DDR2: variants seen among roughly 807,000 people sequenced by gnomAD.
DDR2 encodes discoidin domain receptor tyrosine kinase 2.
Under a neutral mutation model 94.9 loss-of-function variants are expected in DDR2, and 27 were observed. That is an observed-to-expected ratio of 0.28 (90% CI 0.21 to 0.39). The LOEUF is 0.39. DDR2 is among the 10% of genes least tolerant of loss of function. The pLI is 1.00. For synonymous variants in DDR2, 382 were observed against 377.2 expected, an observed-to-expected ratio of 1.01 and a Z score of -0.15; for missense variants, 783 against 1,076.0, an observed-to-expected ratio of 0.73 and a Z score of 3.81.
chr1:162,773,734 T>C (rs1647360887), intron 14 of DDR2, 138 bp downstream of exon 14: 1 of 1,195,252 alleles, frequency 8.4e-7, no homozygotes, highest in Middle Eastern at 2.6e-4. Flanking sequence ...TGTTATCCTT[T>C]TTCTTATTCC....
chr1:162,748,916 A>G (rs1571284431), intron 3 of DDR2, among the ~76,000 whole-genome samples: 1 of 152,272 alleles, frequency 6.6e-6, no homozygotes, highest in East Asian at 1.9e-4. Context: ...CTGGGTACAT[A>G]ATGAAATGAA....
At chr1:162,644,515 A>T (rs573666709) in intron 1 of DDR2, among the ~76,000 whole-genome samples, 1 of 152,334 alleles carries the variant, frequency 6.6e-6, no homozygotes, top group Non-Finnish European at 1.5e-5. Flanking sequence ...CCTGATGATC[A>T]TGGTGTATGA....
intron 1 of DDR2, among the ~76,000 whole-genome samples, chr1:162,633,607 G>A (rs1049231284): frequency 2.0e-5 from 3 of 152,218 alleles, no homozygotes; most frequent in Admixed American, 6.5e-5. Flanking sequence ...TCTACTGCTA[G>A]TCCAGTGTTC....
chr1:162,768,548 C>G (rs1163935666), intron 11 of DDR2, among the ~76,000 whole-genome samples: 2 of 152,096 alleles, frequency 1.3e-5, no homozygotes, highest in Non-Finnish European at 2.9e-5. Context: ...GAGGAAAGGG[C>G]ACCATGAGAA....
chr1:162,718,622 T>C (rs1439587114), intron 2 of DDR2, among the ~76,000 whole-genome samples: 4 of 152,194 alleles, frequency 2.6e-5, no homozygotes, highest in Non-Finnish European at 4.4e-5. Context: ...ATTGAACTTA[T>C]ATGTTTTGAA....
intron 1 of DDR2, among the ~76,000 whole-genome samples, chr1:162,648,175 T>C (rs1571142427): frequency 6.6e-6 from 1 of 152,004 alleles, no homozygotes; most frequent in East Asian, 1.9e-4. Context: ...GCAATGCAAG[T>C]AAATGGGGGG....
rs1048910780 is a variant in DDR2 at position 162,776,362 on chromosome 1, A to G, written c.2275A>G (p.Ile759Val). ...LPIRWMSWES[I>V]LLGKFTTASD... ...TATCCGCTGGATGTCTTGGGAGAGTATCTTGCTGGTAAGTTCTCAGCATTT... is the reference window on the plus strand; with the variant it reads ...TATCCGCTGGATGTCTTGGGAGAGTGTCTTGCTGGTAAGTTCTCAGCATTT... The change falls in exon 16 of 18, where the codon ATC becomes GTC. Residue 759 changes from isoleucine (I) to valine (V), a missense_variant. Transcript: ENST00000367921. 6.2e-7 allele frequency: 1 copy of G among 1,614,046 alleles called. No individual in the cohort carries two copies. The highest frequency in any genetic ancestry group is 1.3e-5 in the African/African-American group (1 of 75,050).
In DDR2 at chr1:162,765,994, A is replaced by G. The variant is rs774252716; in HGVS notation, c.1100-7A>G. 1.9e-6 allele frequency: 3 copies of G among 1,613,732 alleles called. No individual in the cohort carries two copies. The highest frequency in any genetic ancestry group is 1.3e-5 in the African/African-American group (1 of 74,814). On this transcript the variant is annotated splice_region_variant and splice_polypyrimidine_tract_variant and intron_variant, in intron 9 of 17. Coordinates refer to ENST00000367921, the MANE Select transcript of DDR2 (RefSeq NM_006182.4). ...CCTGGCTCTGACTCACCCTTGTTTT[A>G]TAACAGATGCTGCAATGTACAACAA...
At chr1:162,641,886 G>A (rs1173371143) in intron 1 of DDR2, among the ~76,000 whole-genome samples, 1 of 152,142 alleles carries the variant, frequency 6.6e-6, no homozygotes, top group Non-Finnish European at 1.5e-5. Context: ...GAACAGATAA[G>A]CTTATGTGAA....
intron 1 of DDR2, among the ~76,000 whole-genome samples, chr1:162,634,227 A>G (rs1057195241): frequency 7.9e-5 from 12 of 152,188 alleles, no homozygotes; most frequent in African/African-American, 2.2e-4. Context: ...GGTCTTTGGT[A>G]TATACTTACC....
rs183582587 is a variant in DDR2 at position 162,762,463 on chromosome 1, G to C, written c.1099+1009G>C. ...TTTGTGATACTAAGATTGATTTCTG[G>C]TTCCTCATGAACTTTTTCCCTAAGT... On this transcript the variant is annotated intron_variant, in intron 9 of 17. Transcript: ENST00000367921. Among the ~76,000 whole-genome samples the C allele has an allele frequency of 1.2e-3, 177 of 152,258 alleles. 1 individual carries two copies. The highest frequency in any genetic ancestry group is 4.6e-4 in the Non-Finnish European group (31 of 68,018).
At chr1:162,700,543 A>G (rs919429436) in intron 2 of DDR2, among the ~76,000 whole-genome samples, 1 of 152,220 alleles carries the variant, frequency 6.6e-6, no homozygotes, top group Non-Finnish European at 1.5e-5. Context: ...CAGCATTTTT[A>G]GCACATGATT....
At position 162,756,584 on chromosome 1, in the gene DDR2, G is replaced by A. The variant is rs191009118; in HGVS notation, c.671+815G>A. On this transcript the variant is annotated intron_variant, in intron 7 of 17. Transcript: ENST00000367921. ...AGCCTGGGAGAGAATTCAGTCCATC[G>A]TGAAGACCAGACCAGATGATGGAGG... Among the ~76,000 whole-genome samples, 14 of 152,280 alleles carry A rather than the reference G, an allele frequency of 9.2e-5. No individual in the cohort carries two copies. The South Asian group carries it at 2.5e-3, about 27-fold the overall frequency.
At chr1:162,667,498 C>T (rs1180201884) in intron 2 of DDR2, among the ~76,000 whole-genome samples, 1 of 152,096 alleles carries the variant, frequency 6.6e-6, no homozygotes, top group Non-Finnish European at 1.5e-5. Flanking sequence ...GGCAGAGAAG[C>T]TTGGATCAGG....
chr1:162,754,490 G>A (rs1663358671), intron 4 of DDR2, 134 bp from the exon 5 acceptor site: 1 of 843,516 alleles, frequency 1.2e-6, no homozygotes, highest in Non-Finnish European at 2.0e-6. Context: ...TGAAAACTGT[G>A]GCAAGAACCC....
At chr1:162,768,077 A>G (rs538288784) in intron 11 of DDR2, among the ~76,000 whole-genome samples, 3 of 152,110 alleles carry the variant, frequency 2.0e-5, no homozygotes, top group Non-Finnish European at 2.9e-5. Flanking sequence ...ATGTTTAACT[A>G]TTTTTCTGAT....
chr1:162,757,409 A>T (rs1663514346), intron 7 of DDR2, among the ~76,000 whole-genome samples: 1 of 152,198 alleles, frequency 6.6e-6, no homozygotes, highest in Non-Finnish European at 1.5e-5. Context: ...TGAGGAAAAA[A>T]GAATCATGGT....
Position 162,780,781 on chromosome 1 carries a change from T to C in DDR2, c.*535T>C, listed in dbSNP as rs116207505. ...TGGCCTCTGGACATGTCTCACTGTT[T>C]GTATTTCTCTCTCCTGTCAAAGTGA... is the stretch of plus-strand genomic sequence containing the variant. On this transcript the variant is annotated 3_prime_UTR_variant, in exon 18 of 18. Transcript: ENST00000367921. 592 of 156,990 alleles carry C rather than the reference T, an allele frequency of 3.8e-3. 2 individuals are homozygous for C. The highest frequency in any genetic ancestry group is 0.013 in the African/African-American group (554 of 41,574). 9.7% of individuals were successfully genotyped at this position (156,990 alleles called of 1,614,324 possible). A position where few individuals can be genotyped will look rare whatever the true frequency, so the allele number is the denominator to read the frequency against.
chr1:162,674,924 C>A (rs61811289), intron 2 of DDR2, among the ~76,000 whole-genome samples: 3 of 151,922 alleles, frequency 2.0e-5, no homozygotes, highest in Non-Finnish European at 4.4e-5. Context: ...GGGGCTGAGG[C>A]GGGTGGATCA....
Sources: allele counts gnomAD v4.1 joint callset (sites outside exome capture counted in the v4.1 genomes callset), GRCh38; gene constraint gnomAD v4.1.1; transcripts MANE v1.5; gene names NCBI Gene and HGNC (gene_info 2026-07-23, HGNC 2026-07-21).